GAPDH: variants seen among roughly 807,000 people sequenced by gnomAD.
GAPDH encodes glyceraldehyde-3-phosphate dehydrogenase.
GAPDH carries 13 observed loss-of-function variants against 31.2 expected under a neutral mutation model. That is an observed-to-expected ratio of 0.42 (90% CI 0.27 to 0.66). The LOEUF is 0.66. Ranked by LOEUF, GAPDH falls within the 30% of genes least tolerant of loss-of-function variation. The pLI is 0.26. For missense variants in GAPDH, 300 were observed against 443.7 expected, an observed-to-expected ratio of 0.68 and a Z score of 2.91; for synonymous variants, 211 against 166.9, an observed-to-expected ratio of 1.26 and a Z score of -2.04.
In GAPDH at chr12:6,537,616, G is replaced by C; in HGVS notation, c.558G>C (p.Lys186Asn). The C allele has an allele frequency of 6.2e-7, 1 of 1,611,964 alleles. No individual in the cohort carries two copies. The highest frequency in any genetic ancestry group is 8.5e-7 in the Non-Finnish European group (1 of 1,179,822). Residue 186 changes from lysine to asparagine, a missense_variant, in exon 8 of 9, where the codon AAG becomes AAC. Transcript: ENST00000229239. The surrounding 1 kb of genome is among the most constrained non-coding windows in gnomAD (Gnocchi z 4.9). ...TTVHAITATQ[K>N]TVDGPSGKLW... ...TCCATGCCATCACTGCCACCCAGAA[G>C]ACTGTGGATGGCCCCTCCGGGAAAC... is the stretch of plus-strand genomic sequence containing the variant.
intron 1 of GAPDH, 39 bp from the exon 2 acceptor site, chr12:6,534,771 G>T: frequency 3.2e-6 from 5 of 1,574,254 alleles, no homozygotes; most frequent in Non-Finnish European, 3.5e-6. Flanking sequence ...TGTGTCGGCC[G>T]GGGCCACTAG....
Position 6,537,825 on chromosome 12 carries a change from A to T in GAPDH, c.767A>T (p.Asp256Val). ...CGTCTAGAAAAACCTGCCAAATATG[A>T]TGACATCAAGAAGGTGGTGAAGCAG... ...TCRLEKPAKY[D>V]DIKKVVKQAS... Residue 256 changes from aspartate to valine, a missense_variant, in exon 8 of 9, where the codon GAT becomes GTT. Transcript: ENST00000229239. This position sits in a 1 kb window ranked among gnomAD's most constrained non-coding sequence, Gnocchi z 4.9. 1 of 1,612,134 alleles carries T rather than the reference A, an allele frequency of 6.2e-7. No homozygotes were observed. The highest frequency in any genetic ancestry group is 1.3e-5 in the African/African-American group (1 of 74,956).
rs773276926 is a variant in GAPDH at position 6,537,057 on chromosome 12, A to G, written c.328-44A>G. The G allele has an allele frequency of 1.9e-6, 3 of 1,607,298 alleles. No individual in the cohort carries two copies. The highest frequency in any genetic ancestry group is 2.6e-6 in the Non-Finnish European group (3 of 1,176,296). On this transcript the variant is annotated intron_variant, in intron 5 of 8. Transcript: ENST00000229239. This position sits in a 1 kb window ranked among gnomAD's most constrained non-coding sequence, Gnocchi z 4.9. ...GGAGGGGAAGCTGACTCAGCCCTGC[A>G]AAGGCAGGACCCGGGTTCATAACTG...
chr12:6,538,212 A>T lies in GAPDH; in HGVS notation c.*42A>T. On this transcript the variant is annotated 3_prime_UTR_variant, in exon 9 of 9. Coordinates refer to ENST00000229239, the MANE Select transcript of GAPDH (RefSeq NM_002046.7). ...GCCCCAGCAAGAGCACAAGAGGAAG[A>T]GAGAGACCCTCACTGCTGGGGAGTC... 2.0e-6 allele frequency: 3 copies of T among 1,519,098 alleles called. No individual in the cohort carries two copies. Among genetic ancestry groups the T allele is most frequent in the Non-Finnish European group, 2.7e-6 (3 of 1,106,132 alleles). The allele number at this position is 1,519,098 out of a possible 1,614,324, so 94.1% of individuals were successfully genotyped here.
intron 1 of GAPDH, 28 bp from the exon 2 acceptor site, chr12:6,534,782 G>T (rs752478899): frequency 6.2e-7 from 1 of 1,602,646 alleles, no homozygotes; most frequent in South Asian, 1.1e-5. Context: ...GGGCCACTAG[G>T]CGCTCACTGT....
rs200251380 is a variant in GAPDH at position 6,537,934 on chromosome 12, C to T, written c.876C>T (p.Ser292=). ...CTGACTTCAACAGCGACACCCACTC[C>T]TCCACCTTTGACGCTGGGGCTGGCA... ...VSSDFNSDTH[S]STFDAGAGIA... is the part of the protein sequence containing the mutation. Residue 292 remains serine, a synonymous_variant, in exon 8 of 9, where the codon TCC becomes TCT. Transcript: ENST00000229239. The surrounding 1 kb of genome is among the most constrained non-coding windows in gnomAD (Gnocchi z 4.9). 16 of 1,614,032 alleles carry T rather than the reference C, an allele frequency of 9.9e-6. No homozygotes were observed. Among genetic ancestry groups the T allele is most frequent in the Non-Finnish European group, 1.2e-5 (14 of 1,180,026 alleles).
chr12:6,535,652 C>T (rs1946447292), intron 2 of GAPDH, among the ~76,000 whole-genome samples: 1 of 152,108 alleles, frequency 6.6e-6, no homozygotes, highest in South Asian at 2.1e-4. Flanking sequence ...CACCTCACGG[C>T]CCCGCCCTTC....
Position 6,537,353 on chromosome 12 carries a change from T to C in GAPDH, c.488T>C (p.Val163Ala), listed in dbSNP as rs748092877. The change falls in exon 7 of 9, where the codon GTC becomes GCC. Residue 163 changes from valine (V) to alanine (A), a missense_variant. By Grantham distance (64) the Val-to-Ala change is moderately conservative. Coordinates refer to ENST00000229239, the MANE Select transcript of GAPDH (RefSeq NM_002046.7). This position sits in a 1 kb window ranked among gnomAD's most constrained non-coding sequence, Gnocchi z 4.9. Reference sequence around the variant, plus strand: ...AACTGCTTAGCACCCCTGGCCAAGGTCATCCATGACAACTTTGGTATCGTG... The same window carrying C: ...AACTGCTTAGCACCCCTGGCCAAGGCCATCCATGACAACTTTGGTATCGTG... Reference protein sequence around the residue: ...TTNCLAPLAKVIHDNFGIVEG... With the variant: ...TTNCLAPLAKAIHDNFGIVEG... 1.2e-6 allele frequency: 2 copies of C among 1,609,820 alleles called. No homozygotes were observed. The highest frequency in any genetic ancestry group is 1.7e-6 in the Non-Finnish European group (2 of 1,179,978).
chr12:6,534,949 C>G, intron 2 of GAPDH, 88 bp downstream of exon 2: 1 of 1,397,090 alleles, frequency 7.2e-7, no homozygotes, highest in Non-Finnish European at 1.0e-6. Flanking sequence ...TCTTTGCAGT[C>G]GTATGGGGGC....
rs886701782 is a variant in GAPDH, at chr12:6,535,560, G to C, written c.29+699G>C. 3.6e-5 allele frequency: 20 copies of C among 554,502 alleles called. No homozygotes were observed. In the African/African-American group the frequency reaches 3.9e-4, roughly 11 times the overall value. 34.3% of individuals were successfully genotyped at this position (554,502 alleles called of 1,614,324 possible). The stretch of plus-strand genomic sequence containing the variant: ...GTGGCATGGTGCCAAGCCGGGAGAA[G>C]CTGAGTCATGGGTAGTTGGAAAAGG... On this transcript the variant is annotated intron_variant, in intron 2 of 8. Transcript: ENST00000229239.
intron 2 of GAPDH, chr12:6,535,264 G>C (rs1030448886): frequency 3.9e-6 from 4 of 1,030,126 alleles, no homozygotes; most frequent in Non-Finnish European, 4.7e-6. Context: ...GTGCATCCCT[G>C]TCCGGATGCT....
rs1946492267 is a variant in GAPDH at position 6,537,206 on chromosome 12, A to G, written c.433A>G (p.Lys145Glu). The part of the protein sequence containing the change: ...VNHEKYDNSL[K>E]IISNASCTTN... ...CCATGAGAAGTATGACAACAGCCTC[A>G]AGATCATCAGGTGAGGAAGGCAGGG... Residue 145 changes from lysine to glutamate, a missense_variant, in exon 6 of 9, where the codon AAG (lysine) becomes GAG (glutamate). Lys to Glu is a moderately conservative substitution (Grantham distance 56, BLOSUM62 1). Transcript: ENST00000229239. This position sits in a 1 kb window ranked among gnomAD's most constrained non-coding sequence, Gnocchi z 4.9. 1 of 1,612,070 alleles carries G rather than the reference A, an allele frequency of 6.2e-7. No homozygotes were observed. The highest frequency in any genetic ancestry group is 8.5e-7 in the Non-Finnish European group (1 of 1,179,734).
chr12:6,537,574 C>A lies in GAPDH; in HGVS notation c.526-10C>A. The A allele has an allele frequency of 6.2e-7, 1 of 1,601,474 alleles. No homozygotes were observed. The highest frequency in any genetic ancestry group is 8.5e-7 in the Non-Finnish European group (1 of 1,177,660). On this transcript the variant is annotated splice_polypyrimidine_tract_variant and intron_variant, in intron 7 of 8. Transcript: ENST00000229239. The surrounding 1 kb of genome is among the most constrained non-coding windows in gnomAD (Gnocchi z 4.9). The stretch of plus-strand genomic sequence containing the variant: ...GGGGAGTACGCTGCAGGGCCTCACT[C>A]CTTTTGCAGACCACAGTCCATGCCA...
intron 2 of GAPDH, 55 bp downstream of exon 2, chr12:6,534,916 C>T (rs1565551445): frequency 1.3e-6 from 2 of 1,590,992 alleles, no homozygotes; most frequent in East Asian, 4.5e-5. Flanking sequence ...CGAACCGCGT[C>T]TACGAGCCTT....
chr12:6,534,949 CG>C, intron 2 of GAPDH, 88 bp downstream of exon 2: 1 of 1,397,090 alleles, frequency 7.2e-7, no homozygotes, highest in South Asian at 1.2e-5. Flanking sequence ...TCTTTGCAGT[CG>C]TATGGGGGCA....
chr12:6,535,015 C>A, intron 2 of GAPDH, 154 bp downstream of exon 2: 1 of 941,648 alleles, frequency 1.1e-6, no homozygotes, highest in Non-Finnish European at 1.6e-6. Flanking sequence ...CCTGGCGGAG[C>A]CCCGCACCCA....
chr12:6,536,735 A>C lies in GAPDH; in HGVS notation c.181A>C (p.Lys61Gln). 1 of 1,614,042 alleles carries C rather than the reference A, an allele frequency of 6.2e-7. No homozygotes were observed. Among genetic ancestry groups the C allele is most frequent in the South Asian group, 1.1e-5 (1 of 91,084 alleles). Residue 61 changes from lysine to glutamine, a missense_variant, in exon 4 of 9, where the codon AAG becomes CAG. Transcript: ENST00000229239. ...CCATGGCAAATTCCATGGCACCGTC[A>C]AGGCTGAGAACGGGAAGCTTGTCAT... Reference protein sequence around the residue: ...STHGKFHGTVKAENGKLVING... With the variant: ...STHGKFHGTVQAENGKLVING...
In GAPDH at chr12:6,537,206, A is replaced by C; in HGVS notation, c.433A>C (p.Lys145Gln). The change falls in exon 6 of 9, where the codon AAG becomes CAG. Residue 145 changes from lysine to glutamine, a missense_variant. Lys to Gln is a moderately conservative substitution (Grantham distance 53). Coordinates refer to ENST00000229239, the MANE Select transcript of GAPDH (RefSeq NM_002046.7). The surrounding 1 kb of genome is among the most constrained non-coding windows in gnomAD (Gnocchi z 4.9). ...VNHEKYDNSLKIISNASCTTN... is the reference protein window; with the variant it reads ...VNHEKYDNSLQIISNASCTTN... ...CCATGAGAAGTATGACAACAGCCTCAAGATCATCAGGTGAGGAAGGCAGGG... is the reference window on the plus strand; with the variant it reads ...CCATGAGAAGTATGACAACAGCCTCCAGATCATCAGGTGAGGAAGGCAGGG... 6.2e-7 allele frequency: 1 copy of C among 1,612,188 alleles called. No individual in the cohort carries two copies. The highest frequency in any genetic ancestry group is 8.5e-7 in the Non-Finnish European group (1 of 1,179,726).
rs1182972009 is a variant in GAPDH, at chr12:6,534,776, C to T, written c.-23-34C>T. 15 of 1,589,802 alleles carry T rather than the reference C, an allele frequency of 9.4e-6. No individual in the cohort carries two copies. The African/African-American group carries it at 1.1e-4, about 11-fold the overall frequency. On this transcript the variant is annotated intron_variant, in intron 1 of 8. Transcript: ENST00000229239. ...GGGAGGCGTGTGTGTCGGCCGGGGC[C>T]ACTAGGCGCTCACTGTTCTCTCCCT...
Sources: gnomAD v4.1 joint callset for allele counts (sites outside exome capture counted in the v4.1 genomes callset) on GRCh38, gnomAD v4.1.1 for gene constraint, Gnocchi (gnomAD v3.1) non-coding constraint, MANE v1.5 for transcripts, NCBI Gene and HGNC (gene_info 2026-07-23, HGNC 2026-07-21) for gene names.